EPC2: variants seen among roughly 807,000 people sequenced by gnomAD.
EPC2 encodes the protein enhancer of polycomb homolog 2.
In EPC2, 14 loss-of-function variants were observed where a neutral mutation model predicts 92.1. That is an observed-to-expected ratio of 0.15 (90% CI 0.10 to 0.24). The LOEUF is 0.24. Among genes scored for constraint, EPC2 ranks in the 10% least tolerant of loss-of-function variants. EPC2 has a pLI of 1.00. For synonymous variants in EPC2, 340 were observed against 334.7 expected, an observed-to-expected ratio of 1.02 and a Z score of -0.17; for missense variants, 755 against 971.5, an observed-to-expected ratio of 0.78 and a Z score of 2.96.
At chr2:148,746,612 T>C (rs914665428) in intron 3 of EPC2, among the ~76,000 whole-genome samples, 12 of 152,132 alleles carry the variant, frequency 7.9e-5, no homozygotes, top group African/African-American at 2.9e-4. Flanking sequence ...AGGGGGATGC[T>C]ATGAAGATTA....
At chr2:148,761,176 A>G (rs754158014) in intron 4 of EPC2, among the ~76,000 whole-genome samples, 4 of 152,212 alleles carry the variant, frequency 2.6e-5, no homozygotes, top group Non-Finnish European at 4.4e-5. Flanking sequence ...TATTTTTGCT[A>G]AATCTCTTTT....
At chr2:148,764,007 G>A (rs1444369760) in intron 6 of EPC2, among the ~76,000 whole-genome samples, 4 of 152,082 alleles carry the variant, frequency 2.6e-5, no homozygotes, top group Non-Finnish European at 5.9e-5. Context: ...ATTACACATG[G>A]TTAATTATAT....
chr2:148,779,915 T>C (rs901618823), intron 10 of EPC2, among the ~76,000 whole-genome samples: 86 of 152,182 alleles, frequency 5.7e-4, no homozygotes, highest in African/African-American at 2.0e-3. Flanking sequence ...CAGATTTATT[T>C]GGGTTTAATT....
rs567651971 is a variant in EPC2, at chr2:148,705,554, T to C, written c.313+15181T>C. Among the ~76,000 whole-genome samples, 340 of 152,302 alleles carry C rather than the reference T, an allele frequency of 2.2e-3. 3 individuals carry two copies. The highest frequency in any genetic ancestry group is 6.8e-3 in the Middle Eastern group (2 of 294). Reference sequence around the variant, plus strand: ...GTGGGTCCCTGACCCCTGTGCAGCCTAACTTGGAGACACCTCCCAGTAGGG... The same window carrying C: ...GTGGGTCCCTGACCCCTGTGCAGCCCAACTTGGAGACACCTCCCAGTAGGG... On this transcript the variant is annotated intron_variant, in intron 2 of 13. Coordinates refer to ENST00000258484, the MANE Select transcript of EPC2 (RefSeq NM_015630.4).
intron 4 of EPC2, among the ~76,000 whole-genome samples, chr2:148,757,258 C>T (rs1683208832): frequency 6.6e-6 from 1 of 152,128 alleles, no homozygotes; most frequent in Non-Finnish European, 1.5e-5. Flanking sequence ...TGCCTGTACT[C>T]CCAGCTGCTC....
At chr2:148,699,866 A>T (rs554690091) in intron 2 of EPC2, among the ~76,000 whole-genome samples, 4 of 152,140 alleles carry the variant, frequency 2.6e-5, no homozygotes, top group African/African-American at 4.8e-5. Flanking sequence ...GAAAGTTTCT[A>T]TTGCCCCGCA....
chr2:148,760,824 C>A (rs1464021473), intron 4 of EPC2, among the ~76,000 whole-genome samples: 1 of 152,052 alleles, frequency 6.6e-6, no homozygotes, highest in African/African-American at 2.4e-5. Context: ...TGTTATTTTT[C>A]TCTTTTATAA....
intron 1 of EPC2, among the ~76,000 whole-genome samples, chr2:148,683,981 C>G (rs1681462996): frequency 1.3e-5 from 2 of 152,224 alleles, no homozygotes. Context: ...TTCCCACCAG[C>G]AGTGTAAAAG....
At chr2:148,659,543 A>G (rs1345693111) in intron 1 of EPC2, among the ~76,000 whole-genome samples, 1 of 152,106 alleles carries the variant, frequency 6.6e-6, no homozygotes, top group Non-Finnish European at 1.5e-5. Context: ...TGATGAATAG[A>G]AATGTATTGA....
At position 148,765,081 on chromosome 2, in the gene EPC2, G is replaced by T; in HGVS notation, c.1075G>T (p.Val359Leu). Residue 359 changes from valine (V) to leucine (L), a missense_variant, in exon 7 of 14, where the codon GTG becomes TTG. Coordinates refer to ENST00000258484, the MANE Select transcript of EPC2 (RefSeq NM_015630.4). Reference sequence around the variant, plus strand: ...GCAACCCACTCCTGAGACATTGCCTGTGATCAATAAGAGTGACATTAAGCA... The same window carrying T: ...GCAACCCACTCCTGAGACATTGCCTTTGATCAATAAGAGTGACATTAAGCA... Reference protein sequence around the residue: ...SQQPTPETLPVINKSDIKQYD... With the variant: ...SQQPTPETLPLINKSDIKQYD... 5 of 1,608,994 alleles carry T rather than the reference G, an allele frequency of 3.1e-6. No homozygotes were observed. The highest frequency in any genetic ancestry group is 4.2e-6 in the Non-Finnish European group (5 of 1,177,096).
At chr2:148,709,450 C>T (rs1682083298) in intron 2 of EPC2, among the ~76,000 whole-genome samples, 1 of 152,198 alleles carries the variant, frequency 6.6e-6, no homozygotes, top group Non-Finnish European at 1.5e-5. Context: ...ATGCCATCCC[C>T]ATCAAGCTAC....
intron 1 of EPC2, among the ~76,000 whole-genome samples, chr2:148,653,316 G>C (rs961372341): frequency 2.6e-5 from 4 of 152,208 alleles, no homozygotes; most frequent in Non-Finnish European, 5.9e-5. Flanking sequence ...AAACAGTAAT[G>C]GGTGTGTAGA....
intron 1 of EPC2, among the ~76,000 whole-genome samples, chr2:148,670,493 G>T (rs1307805654): frequency 1.3e-5 from 2 of 152,074 alleles, no homozygotes; most frequent in Admixed American, 1.3e-4. Context: ...AGCCCCAAAA[G>T]AAACCTCTTA....
intron 1 of EPC2, among the ~76,000 whole-genome samples, chr2:148,688,471 G>C (rs1353876384): frequency 6.6e-6 from 1 of 152,078 alleles, no homozygotes; most frequent in African/African-American, 2.4e-5. Flanking sequence ...TAAATGATGA[G>C]TTAATGGGTG....
intron 1 of EPC2, among the ~76,000 whole-genome samples, chr2:148,661,844 G>A (rs187941167): frequency 3.2e-4 from 48 of 152,162 alleles, no homozygotes; most frequent in African/African-American, 1.1e-3. Context: ...GTGATGAATA[G>A]TATAATACTG....
chr2:148,723,633 G>C (rs1014357314), intron 2 of EPC2, among the ~76,000 whole-genome samples: 2 of 152,132 alleles, frequency 1.3e-5, no homozygotes, highest in Non-Finnish European at 2.9e-5. Flanking sequence ...TGTTAAGATG[G>C]GGTGGCAACT....
At chr2:148,669,522 A>C (rs530499382) in intron 1 of EPC2, among the ~76,000 whole-genome samples, 2 of 152,190 alleles carry the variant, frequency 1.3e-5, no homozygotes, top group East Asian at 3.9e-4. Flanking sequence ...ACAAAAGAGA[A>C]ATTTAAAAAA....
intron 1 of EPC2, among the ~76,000 whole-genome samples, chr2:148,646,931 G>C (rs1683814460): frequency 1.3e-5 from 2 of 152,072 alleles, no homozygotes; most frequent in Admixed American, 1.3e-4. Flanking sequence ...CCAGTATGGT[G>C]AAACTCCGTC....
intron 1 of EPC2, among the ~76,000 whole-genome samples, chr2:148,651,217 C>G (rs1482381012): frequency 2.0e-5 from 3 of 152,176 alleles, no homozygotes; most frequent in East Asian, 3.8e-4. Context: ...AAAGGAAGTT[C>G]TGAGGATGCT....
Sources: gnomAD v4.1 joint callset for allele counts (sites outside exome capture counted in the v4.1 genomes callset) on GRCh38, gnomAD v4.1.1 for gene constraint, MANE v1.5 for transcripts, NCBI Gene and HGNC (gene_info 2026-07-23, HGNC 2026-07-21) for gene names.